The following RIPOR3 variants were observed in gnomAD, a reference collection of about 807,000 sequenced individuals.
RIPOR3 encodes family with sequence similarity 65 member C.
Under a neutral mutation model 114.3 loss-of-function variants are expected in RIPOR3, and 95 were observed. The observed-to-expected ratio is 0.83, with a 90% CI of 0.70 to 0.99. RIPOR3 has a LOEUF of 0.99. Among genes scored for constraint, RIPOR3 ranks in the 50% least tolerant of loss-of-function variants. The pLI, the probability that RIPOR3 is intolerant of heterozygous loss-of-function variation, is 0.00. For missense variants in RIPOR3, 1,252 were observed against 1,266.9 expected (o/e 0.99, Z 0.18); for synonymous variants, 575 against 543.8 (o/e 1.06, Z -0.80).
intron 12 of RIPOR3, among the ~76,000 whole-genome samples, chr20:50,603,130 G>A (rs191570377): frequency 5.3e-5 from 8 of 152,356 alleles, no homozygotes; most frequent in African/African-American, 1.7e-4. Context: ...CCTGGGGCTG[G>A]CTGTGCACTT....
At chr20:50,589,991 TACA>T (rs2083058544) in intron 19 of RIPOR3, 6 of 468,126 alleles carry the variant, frequency 1.3e-5, no homozygotes, top group Non-Finnish European at 2.0e-5. Context: ...CCAGGGCTAA[TACA>T]ATGAAGAAAG....
chr20:50,594,967 A>C, intron 16 of RIPOR3: 1 of 523,526 alleles, frequency 1.9e-6, no homozygotes, highest in Non-Finnish European at 3.4e-6. Flanking sequence ...CTTACAGACA[A>C]GGAACCTGGC....
At position 50,651,200 on chromosome 20, in the gene RIPOR3, CCTCT is replaced by C. The variant is rs199615830; in HGVS notation, c.4-20348_4-20345del. Among the ~76,000 whole-genome samples the C allele has an allele frequency of 9.6e-3, 1,460 of 152,202 alleles. 17 individuals are homozygous for C. Among genetic ancestry groups the C allele is most frequent in the African/African-American group, 0.033 (1,391 of 41,528 alleles). On this transcript the variant is annotated intron_variant, in intron 1 of 21. Transcript: ENST00000327979. Reference sequence around the variant, plus strand: ...AGGTGAAGGTGGCCAATACAGGAGGCCTCTAGAAGCTGAAAGCAGCCCCCCAGTG... The same window carrying C: ...AGGTGAAGGTGGCCAATACAGGAGGCAGAAGCTGAAAGCAGCCCCCCAGTG...
intron 2 of RIPOR3, among the ~76,000 whole-genome samples, chr20:50,628,859 G>A (rs944778581): frequency 6.6e-6 from 1 of 152,176 alleles, no homozygotes. Context: ...TGGGAAGGGA[G>A]CCCCCAGGGA....
intron 1 of RIPOR3, among the ~76,000 whole-genome samples, chr20:50,671,785 GGGATGGATGGAT>G (rs538319586): frequency 1.3e-5 from 2 of 151,890 alleles, no homozygotes; most frequent in Admixed American, 6.6e-5. Flanking sequence ...GGTGGGCGAA[GGGATGGATGGAT>G]GGATGGATGG....
intron 13 of RIPOR3, among the ~76,000 whole-genome samples, chr20:50,599,866 G>A (rs1432793058): frequency 6.6e-6 from 1 of 151,946 alleles, no homozygotes; most frequent in Non-Finnish European, 1.5e-5. Flanking sequence ...GATAAATCAT[G>A]TATATGTATG....
intron 1 of RIPOR3, among the ~76,000 whole-genome samples, chr20:50,681,171 G>A (rs1219314358): frequency 7.6e-6 from 1 of 131,300 alleles, no homozygotes; most frequent in African/African-American, 2.9e-5. Context: ...GCTGCAGTGA[G>A]CCAAGATTGC....
At chr20:50,648,344 A>T (rs2085489832) in intron 1 of RIPOR3, among the ~76,000 whole-genome samples, 1 of 151,982 alleles carries the variant, frequency 6.6e-6, no homozygotes, top group Admixed American at 6.6e-5. Flanking sequence ...AAAAAAAAAA[A>T]AATACTACAA....
chr20:50,634,601 G>C (rs1042019302), intron 1 of RIPOR3, among the ~76,000 whole-genome samples: 1 of 152,222 alleles, frequency 6.6e-6, no homozygotes, highest in African/African-American at 2.4e-5. Flanking sequence ...ATGAAGGAAA[G>C]GTTGACGCTG....
intron 1 of RIPOR3, among the ~76,000 whole-genome samples, chr20:50,685,963 T>C (rs6096064): frequency 0.14 from 20,764 of 151,866 alleles, 1,494 homozygotes; most frequent in East Asian, 0.22. Flanking sequence ...ATAAAATGTA[T>C]AGAATGATCC....
At chr20:50,657,675 TC>T (rs2085857482) in intron 1 of RIPOR3, among the ~76,000 whole-genome samples, 2 of 152,162 alleles carry the variant, frequency 1.3e-5, no homozygotes, top group South Asian at 4.1e-4. Context: ...CCAGTATTTT[TC>T]TAATACTAGT....
chr20:50,621,936 G>C lies in RIPOR3; in HGVS notation c.123-1804C>G, dbSNP rs368265344. Among the ~76,000 whole-genome samples the C allele has an allele frequency of 1.8e-4, 28 of 152,202 alleles. No individual in the cohort carries two copies. The South Asian group carries it at 5.6e-3, about 31-fold the overall frequency. ...TCAAGACTGATTATAGGAGTACGAG[G>C]CCAGGGCACCCTCATCACAGCACAG... On this transcript the variant is annotated intron_variant, in intron 2 of 21. Transcript: ENST00000327979.
chr20:50,618,060 T>C (rs1278950950), intron 3 of RIPOR3, among the ~76,000 whole-genome samples: 1 of 151,618 alleles, frequency 6.6e-6, no homozygotes, highest in Non-Finnish European at 1.5e-5. Context: ...GGTCAGGAGT[T>C]CAAGACCATC....
At chr20:50,615,255 G>A (rs1451022527) in intron 4 of RIPOR3, among the ~76,000 whole-genome samples, 1 of 151,820 alleles carries the variant, frequency 6.6e-6, no homozygotes, top group Non-Finnish European at 1.5e-5. Flanking sequence ...CTGGCACAGT[G>A]CCTCACACCT....
At chr20:50,645,029 A>G (rs780385639) in intron 1 of RIPOR3, among the ~76,000 whole-genome samples, 5 of 151,814 alleles carry the variant, frequency 3.3e-5, no homozygotes, top group Non-Finnish European at 5.9e-5. Context: ...TTTAGTAGAG[A>G]CAGGGTTTCA....
Position 50,597,530 on chromosome 20 carries a change from C to T in RIPOR3, c.1790+50G>A, listed in dbSNP as rs1356702758. ...GCAGGAAACGTGGAGCTCGGGTCACCCGGTGGGAGTGGTGGCCACTGGGTC... is the reference window on the plus strand; with the variant it reads ...GCAGGAAACGTGGAGCTCGGGTCACTCGGTGGGAGTGGTGGCCACTGGGTC... On this transcript the variant is annotated intron_variant, in intron 14 of 21. Transcript: ENST00000327979. 10 of 1,566,538 alleles carry T rather than the reference C, an allele frequency of 6.4e-6. No individual in the cohort carries two copies. The South Asian group carries it at 1.1e-4, about 17-fold the overall frequency.
At chr20:50,590,815 C>CT (rs11476746) in intron 19 of RIPOR3, among the ~76,000 whole-genome samples, 12,704 of 131,628 alleles carry the variant, frequency 0.097, 767 homozygotes, top group East Asian at 0.23. Context: ...GATGAAGGCC[C>CT]TTTTTTTTTT....
At chr20:50,601,289 C>T (rs919453898) in intron 13 of RIPOR3, among the ~76,000 whole-genome samples, 3 of 152,132 alleles carry the variant, frequency 2.0e-5, no homozygotes, top group African/African-American at 7.2e-5. Flanking sequence ...CAAAAATTAG[C>T]CAGGCGTGGT....
At chr20:50,639,878 G>A (rs2085127170) in intron 1 of RIPOR3, among the ~76,000 whole-genome samples, 1 of 152,058 alleles carries the variant, frequency 6.6e-6, no homozygotes, top group African/African-American at 2.4e-5. Context: ...GTAATGCTTT[G>A]CTGTGGAGGC....
Sources: allele counts gnomAD v4.1 joint callset (sites outside exome capture counted in the v4.1 genomes callset), GRCh38; gene constraint gnomAD v4.1.1; transcripts MANE v1.5; gene names NCBI Gene and HGNC (gene_info 2026-07-23, HGNC 2026-07-21).